The following GAS2 variants were observed in gnomAD, a reference collection of about 807,000 sequenced individuals.
GAS2 encodes the protein growth arrest-specific protein 2.
A neutral mutation model predicts 37.5 loss-of-function variants in GAS2; 20 were observed. The observed-to-expected ratio is 0.53, with a 90% CI of 0.37 to 0.77. The LOEUF (loss-of-function observed/expected upper bound fraction) is 0.77. Ranked by LOEUF, GAS2 falls within the 30% of genes least tolerant of loss-of-function variation. The probability of loss-of-function intolerance (pLI) is 0.00; values close to 1 mark genes in which losing one functional copy is unlikely to be tolerated. For synonymous variants in GAS2, 144 were observed against 132.2 expected (o/e 1.09, Z -0.61); for missense variants, 336 against 373.4 (o/e 0.90, Z 0.82).
chr11:22,765,257 A>G (rs1001771302), intron 7 of GAS2, among the ~76,000 whole-genome samples: 1 of 152,214 alleles, frequency 6.6e-6, no homozygotes, highest in Non-Finnish European at 1.5e-5. Context: ...CGTACAAAAA[A>G]TATATACAGA....
intron 1 of GAS2, among the ~76,000 whole-genome samples, chr11:22,673,353 A>C (rs1417440533): frequency 1.3e-5 from 2 of 152,002 alleles, no homozygotes; most frequent in Non-Finnish European, 2.9e-5. Context: ...CAAAAGGAGA[A>C]TATATTACTT....
chr11:22,632,252 A>T (rs747217489), intron 1 of GAS2, among the ~76,000 whole-genome samples: 8 of 152,084 alleles, frequency 5.3e-5, no homozygotes, highest in Admixed American at 1.3e-4. Flanking sequence ...AAACAGTGAC[A>T]TATTCCCTTA....
At position 22,741,520 on chromosome 11, in the gene GAS2, GT is replaced by G. The variant is rs1193906357; in HGVS notation, c.473+3758del. Among the ~76,000 whole-genome samples the G allele has an allele frequency of 2.8e-4, 42 of 152,094 alleles. 1 individual carries two copies. Among genetic ancestry groups the G allele is most frequent in the African/African-American group, 9.9e-4 (41 of 41,544 alleles). On this transcript the variant is annotated intron_variant, in intron 5 of 7. Coordinates refer to ENST00000454584, the MANE Select transcript of GAS2 (RefSeq NM_001143830.3). ...AATCAATAATCAGTGGTATAGTGGA[GT>G]TTTTTATGAATTTTATTTTTTAGTA...
At chr11:22,682,912 T>C (rs144368967) in intron 2 of GAS2, among the ~76,000 whole-genome samples, 3,593 of 122,364 alleles carry the variant, frequency 0.029, 70 homozygotes, top group East Asian at 0.079. Context: ...AAAGAGAAAA[T>C]GCAGGCCAAT....
intron 5 of GAS2, among the ~76,000 whole-genome samples, chr11:22,740,878 C>T (rs1853037238): frequency 6.6e-6 from 1 of 152,130 alleles, no homozygotes; most frequent in Admixed American, 6.5e-5. Context: ...TTTGGGAGAG[C>T]TCTCAATAAT....
chr11:22,744,560 TGATA>T (rs1220507932), intron 5 of GAS2, among the ~76,000 whole-genome samples: 4 of 152,088 alleles, frequency 2.6e-5, no homozygotes, highest in Non-Finnish European at 4.4e-5. Flanking sequence ...TATGATCATC[TGATA>T]GATATTGAAA....
intron 3 of GAS2, among the ~76,000 whole-genome samples, chr11:22,691,550 A>C (rs1850246827): frequency 6.6e-6 from 1 of 152,208 alleles, no homozygotes; most frequent in African/African-American, 2.4e-5. Flanking sequence ...ATCTGGAGTC[A>C]TTCATTGCTG....
intron 6 of GAS2, among the ~76,000 whole-genome samples, chr11:22,754,622 A>G (rs903832690): frequency 6.7e-6 from 1 of 150,350 alleles, no homozygotes; most frequent in African/African-American, 2.4e-5. Context: ...TTTTTTGGTT[A>G]TTCTTCTATT....
intron 4 of GAS2, chr11:22,731,398 T>G (rs2134191778): frequency 2.3e-6 from 1 of 442,696 alleles, no homozygotes; most frequent in African/African-American, 2.0e-5. Context: ...AAGAAAAGGG[T>G]TTGCTATCTG....
chr11:22,721,561 C>T (rs1228589733), intron 3 of GAS2, among the ~76,000 whole-genome samples: 1 of 151,964 alleles, frequency 6.6e-6, no homozygotes, highest in African/African-American at 2.4e-5. Context: ...ATTATAAATT[C>T]ACTTCTCCCA....
chr11:22,793,948 A>G (rs1856302090), intron 7 of GAS2, among the ~76,000 whole-genome samples: 2 of 152,190 alleles, frequency 1.3e-5, no homozygotes, highest in Non-Finnish European at 2.9e-5. Flanking sequence ...CTGTTCCATT[A>G]TCTGCTACTC....
intron 1 of GAS2, among the ~76,000 whole-genome samples, chr11:22,639,880 G>T (rs939480825): frequency 5.3e-5 from 8 of 152,110 alleles, no homozygotes; most frequent in African/African-American, 1.9e-4. Flanking sequence ...GATCTCCTTT[G>T]CCTTTGGGGC....
intron 6 of GAS2, 152 bp downstream of exon 6, chr11:22,749,413 A>G (rs999520767): frequency 2.0e-5 from 13 of 659,206 alleles, no homozygotes; most frequent in Non-Finnish European, 3.1e-5. Context: ...GTAGTCCTAC[A>G]ATTCATTTTG....
intron 7 of GAS2, among the ~76,000 whole-genome samples, chr11:22,801,581 A>G (rs937638907): frequency 6.6e-5 from 10 of 152,088 alleles, no homozygotes; most frequent in African/African-American, 2.4e-4. Flanking sequence ...TCAATATATT[A>G]AATGATACAC....
chr11:22,673,971 G>C (rs1849308564), intron 1 of GAS2, among the ~76,000 whole-genome samples: 1 of 152,150 alleles, frequency 6.6e-6, no homozygotes, highest in Non-Finnish European at 1.5e-5. Flanking sequence ...TAAAAAACAA[G>C]AAAGAGAAAG....
chr11:22,630,640 C>G (rs1386117961), intron 1 of GAS2, among the ~76,000 whole-genome samples: 1 of 152,134 alleles, frequency 6.6e-6, no homozygotes, highest in East Asian at 1.9e-4. Flanking sequence ...TTTTTGTATG[C>G]TTTGTCAAAG....
intron 7 of GAS2, among the ~76,000 whole-genome samples, chr11:22,792,587 A>T (rs1289763702): frequency 2.0e-5 from 3 of 152,330 alleles, no homozygotes; most frequent in South Asian, 4.1e-4. Context: ...TTATGTCTAA[A>T]AACTGGCTGA....
At chr11:22,691,666 A>G (rs1017491103) in intron 3 of GAS2, among the ~76,000 whole-genome samples, 1 of 152,220 alleles carries the variant, frequency 6.6e-6, no homozygotes, top group East Asian at 1.9e-4. Context: ...TGGGAAGAAT[A>G]TAAGTGGCAT....
intron 1 of GAS2, among the ~76,000 whole-genome samples, chr11:22,628,606 T>G (rs987237072): frequency 1.3e-5 from 2 of 152,234 alleles, no homozygotes; most frequent in Admixed American, 1.3e-4. Context: ...TAAAACTTTC[T>G]TGTCGTCTTT....
Sources: allele counts gnomAD v4.1 joint callset (sites outside exome capture counted in the v4.1 genomes callset), GRCh38; gene constraint gnomAD v4.1.1; transcripts MANE v1.5; gene names NCBI Gene and HGNC (gene_info 2026-07-23, HGNC 2026-07-21).